Variants in COL5A1 observed in about 807,000 individuals in gnomAD.
COL5A1 encodes the protein collagen type V alpha 1 chain.
A neutral mutation model predicts 263.7 loss-of-function variants in COL5A1; 16 were observed. The observed-to-expected ratio is 0.06, with a 90% CI of 0.04 to 0.09. The LOEUF (loss-of-function observed/expected upper bound fraction) is 0.09. Among genes scored for constraint, COL5A1 ranks in the 10% least tolerant of loss-of-function variants. The probability of loss-of-function intolerance (pLI) is 1.00; values close to 1 mark genes in which losing one functional copy is unlikely to be tolerated. For synonymous variants in COL5A1, 1,012 were observed against 1,004.5 expected (o/e 1.01, Z -0.14); for missense variants, 2,036 against 2,540.5 (o/e 0.80, Z 4.27).
chr9:134,811,498 G>A lies in COL5A1; in HGVS notation c.3589G>A (p.Asp1197Asn). 1 of 1,613,208 alleles carries A rather than the reference G, an allele frequency of 6.2e-7. No homozygotes were observed. Among genetic ancestry groups the A allele is most frequent in the Non-Finnish European group, 8.5e-7 (1 of 1,179,566 alleles). ...GCCGGTTATTTCCCTGCAGGGAGCT[G>A]ACGGCGAGCCGGGGCCTCGGGGCCA... ...PIGQPGPSGA[D>N]GEPGPRGQQG... The change falls in exon 46 of 66, where the codon GAC becomes AAC. Residue 1197 changes from aspartate (D) to asparagine (N), a missense_variant. Coordinates refer to ENST00000371817, the MANE Select transcript of COL5A1 (RefSeq NM_000093.5).
At chr9:134,651,106 G>C (rs546345193) in intron 1 of COL5A1, among the ~76,000 whole-genome samples, 1 of 152,364 alleles carries the variant, frequency 6.6e-6, no homozygotes, top group African/African-American at 2.4e-5. Context: ...CAGTGCTTCA[G>C]AAGGGGAGCC....
At chr9:134,752,519 G>T (rs1835820124) in intron 13 of COL5A1, 70 bp from the exon 14 acceptor site, 1 of 1,220,910 alleles carries the variant, frequency 8.2e-7, no homozygotes, top group Non-Finnish European at 1.2e-6. Context: ...ACATCTCACG[G>T]CTCAGGCGCC....
chr9:134,764,566 T>G (rs1047134609), intron 20 of COL5A1, among the ~76,000 whole-genome samples: 3 of 152,266 alleles, frequency 2.0e-5, no homozygotes, highest in Middle Eastern at 3.4e-3. Flanking sequence ...CAGAGCAAAT[T>G]TCCTGATGGA....
chr9:134,755,646 A>T lies in COL5A1; in HGVS notation c.1828-1119A>T, dbSNP rs1835939798. On this transcript the variant is annotated intron_variant, in intron 16 of 65. Transcript: ENST00000371817. This position sits in a 1 kb window ranked among gnomAD's most constrained non-coding sequence, Gnocchi z 4.1. Reference sequence around the variant, plus strand: ...TGAGTTGTGCTGTGAAATCCTGTGAAGTTTTCCGACAATCTTCCCTTGGTT... The same window carrying T: ...TGAGTTGTGCTGTGAAATCCTGTGATGTTTTCCGACAATCTTCCCTTGGTT... Among the ~76,000 whole-genome samples, 2 of 152,188 alleles carry T rather than the reference A, an allele frequency of 1.3e-5. No homozygotes were observed. The highest frequency in any genetic ancestry group is 1.3e-4 in the Admixed American group (2 of 15,284).
intron 25 of COL5A1, among the ~76,000 whole-genome samples, chr9:134,771,083 A>C (rs534430618): frequency 2.0e-5 from 3 of 152,346 alleles, no homozygotes; most frequent in African/African-American, 7.2e-5. Context: ...GCGTCTCCGC[A>C]GCGGCGCTGT....
intron 37 of COL5A1, among the ~76,000 whole-genome samples, chr9:134,799,753 T>G (rs1208574882): frequency 6.6e-6 from 1 of 151,030 alleles, no homozygotes; most frequent in Non-Finnish European, 1.5e-5. Context: ...TTTGCTCTTT[T>G]GTTTATAGAG....
chr9:134,812,757 G>GGTGTGT, intron 48 of COL5A1, 45 bp downstream of exon 48: 2 of 1,284,814 alleles, frequency 1.6e-6, no homozygotes, highest in Non-Finnish European at 2.2e-6. Context: ...GGTTGTTTGA[G>GGTGTGT]GAGTGTGTGT....
intron 1 of COL5A1, among the ~76,000 whole-genome samples, chr9:134,669,582 C>T (rs1832479093): frequency 6.6e-6 from 1 of 152,066 alleles, no homozygotes; most frequent in Non-Finnish European, 1.5e-5. Flanking sequence ...GTACCAGATA[C>T]AACTAGATTC....
intron 11 of COL5A1, among the ~76,000 whole-genome samples, chr9:134,740,327 C>T (rs1376133172): frequency 1.3e-5 from 2 of 152,244 alleles, no homozygotes; most frequent in African/African-American, 2.4e-5. Context: ...GCAGCCACCC[C>T]AGCTCGCTCT....
In COL5A1 at chr9:134,758,373, G is replaced by A. The variant is rs561016986; in HGVS notation, c.1935+77G>A. On this transcript the variant is annotated intron_variant, in intron 18 of 65. Transcript: ENST00000371817. This position sits in a 1 kb window ranked among gnomAD's most constrained non-coding sequence, Gnocchi z 4.1. Reference sequence around the variant, plus strand: ...CTCTCGGGAGGCCCTTCTCCTTCCAGGCAGCCTCAGATTTCCTGTGGGGTC... The same window carrying A: ...CTCTCGGGAGGCCCTTCTCCTTCCAAGCAGCCTCAGATTTCCTGTGGGGTC... 4.9e-5 allele frequency: 72 copies of A among 1,468,452 alleles called. No individual in the cohort carries two copies. The African/African-American group carries it at 9.2e-4, about 19-fold the overall frequency. 91.0% of individuals were successfully genotyped at this position (1,468,452 alleles called of 1,614,324 possible). A position where few individuals can be genotyped will look rare whatever the true frequency, so the allele number is the denominator to read the frequency against.
At chr9:134,763,457 A>T (rs749569257) in intron 19 of COL5A1, among the ~76,000 whole-genome samples, 60 of 152,206 alleles carry the variant, frequency 3.9e-4, no homozygotes, top group Non-Finnish European at 6.2e-4. Context: ...GAGCTGTGGC[A>T]TGTGAGCTCC....
At position 134,789,383 on chromosome 9, in the gene COL5A1, C is replaced by T. The variant is rs553256679; in HGVS notation, c.2700+175C>T. Among the ~76,000 whole-genome samples, 7 of 152,160 alleles carry T rather than the reference C, an allele frequency of 4.6e-5. No individual in the cohort carries two copies. In the South Asian group the frequency reaches 1.5e-3, roughly 32 times the overall value. On this transcript the variant is annotated intron_variant, in intron 32 of 65. Transcript: ENST00000371817. The surrounding 1 kb of genome is among the most constrained non-coding windows in gnomAD (Gnocchi z 4.8). Reference sequence around the variant, plus strand: ...AGCACCACGTGTTGGTGACACTCTCCAGACGCTGGGCTGGGCAGGTATGTG... The same window carrying T: ...AGCACCACGTGTTGGTGACACTCTCTAGACGCTGGGCTGGGCAGGTATGTG...
In COL5A1 at chr9:134,817,627, G is replaced by T. The variant is rs113755365; in HGVS notation, c.4177-151G>T. The T allele has an allele frequency of 2.7e-3, 2,011 of 739,504 alleles. 27 individuals carry two copies. The African/African-American group carries it at 0.028, about 10-fold the overall frequency. 45.8% of individuals were successfully genotyped at this position (739,504 alleles called of 1,614,324 possible). A position where few individuals can be genotyped will look rare whatever the true frequency, so the allele number is the denominator to read the frequency against. ...CTCCATGACCCTGCACCCCTGCCCTGCAGCCCGGCACACCCTGAGCACCTG... is the reference window on the plus strand; with the variant it reads ...CTCCATGACCCTGCACCCCTGCCCTTCAGCCCGGCACACCCTGAGCACCTG... On this transcript the variant is annotated intron_variant, in intron 53 of 65. Transcript: ENST00000371817.
chr9:134,803,372 C>A (rs1430585142), intron 39 of COL5A1, among the ~76,000 whole-genome samples: 1 of 152,082 alleles, frequency 6.6e-6, no homozygotes, highest in East Asian at 1.9e-4. Flanking sequence ...CAGTGGCTCA[C>A]GCCTGTAATC....
intron 42 of COL5A1, among the ~76,000 whole-genome samples, chr9:134,808,286 C>A (rs1381236126): frequency 6.6e-6 from 1 of 152,148 alleles, no homozygotes; most frequent in East Asian, 1.9e-4. Flanking sequence ...AGATAGGGAT[C>A]CCTGTCTGCA....
At chr9:134,840,753 G>A (rs998749428) in intron 65 of COL5A1, among the ~76,000 whole-genome samples, 5 of 152,192 alleles carry the variant, frequency 3.3e-5, no homozygotes, top group African/African-American at 1.2e-4. Context: ...CCTCTGGGCT[G>A]CAGATAGCAG....
intron 64 of COL5A1, among the ~76,000 whole-genome samples, chr9:134,830,518 C>T (rs1032999548): frequency 1.3e-5 from 2 of 152,180 alleles, no homozygotes; most frequent in Non-Finnish European, 2.9e-5. Flanking sequence ...GAAGCAGGAG[C>T]GCTTTCACTG....
chr9:134,694,473 C>T (rs537447153), intron 2 of COL5A1, among the ~76,000 whole-genome samples: 1 of 152,338 alleles, frequency 6.6e-6, no homozygotes, highest in South Asian at 2.1e-4. Context: ...GCGAGGTTCC[C>T]TAGGCCACCC....
rs539935031 is a variant in COL5A1, at chr9:134,709,356, G to C, written c.654+8023G>C. ...GCTAGCAGGCGGTTGGCCAAGCCCC[G>C]TGGGCATCTCCCTGGTGCAGTAGGC... On this transcript the variant is annotated intron_variant, in intron 4 of 65. Transcript: ENST00000371817. The C allele has an allele frequency of 1.9e-4, 56 of 295,586 alleles. No individual in the cohort carries two copies. The Middle Eastern group carries it at 6.0e-3, about 32-fold the overall frequency. The allele number at this position is 295,586 out of a possible 1,614,324, so 18.3% of individuals were successfully genotyped here.
Sources: gnomAD v4.1 joint callset for allele counts (sites outside exome capture counted in the v4.1 genomes callset) on GRCh38, gnomAD v4.1.1 for gene constraint, Gnocchi (gnomAD v3.1) non-coding constraint, MANE v1.5 for transcripts, NCBI Gene and HGNC (gene_info 2026-07-23, HGNC 2026-07-21) for gene names.